Variants in ANKRD30BL observed in about 807,000 individuals in gnomAD.
ANKRD30BL encodes putative ankyrin repeat domain-containing protein 30B-like.
Under a neutral mutation model 18.4 loss-of-function variants are expected in ANKRD30BL, and 20 were observed. The ratio of observed to expected loss-of-function variants is 1.09; its 90% CI spans 0.77 to 1.58. The LOEUF (loss-of-function observed/expected upper bound fraction) is 1.58. ANKRD30BL is among the 40% of genes most tolerant of loss of function. ANKRD30BL has a pLI of 0.00. For synonymous variants in ANKRD30BL, 72 were observed against 100.9 expected, an observed-to-expected ratio of 0.71 and a Z score of 1.72; for missense variants, 224 against 268.6, an observed-to-expected ratio of 0.83 and a Z score of 1.16.
At chr2:132,229,169 A>G (rs546151798) in intron 1 of ANKRD30BL, among the ~76,000 whole-genome samples, 1 of 151,260 alleles carries the variant, frequency 6.6e-6, no homozygotes, top group Non-Finnish European at 1.5e-5. Context: ...TGTGCATTCA[A>G]CCCCCAGATT....
At chr2:132,240,631 C>G (rs1375114605) in intron 1 of ANKRD30BL, among the ~76,000 whole-genome samples, 5 of 151,206 alleles carry the variant, frequency 3.3e-5, no homozygotes, top group Non-Finnish European at 5.9e-5. Flanking sequence ...ATAGGGATAC[C>G]TTTGAGAATT....
chr2:132,164,141 C>T (rs1688143107), upstream of ANKRD30BL, among the ~76,000 whole-genome samples: 2 of 152,136 alleles, frequency 1.3e-5, no homozygotes, highest in Admixed American at 6.5e-5. Flanking sequence ...TACATTCATT[C>T]TCTATCAATA....
At chr2:132,233,335 A>C (rs1271814451) in intron 1 of ANKRD30BL, among the ~76,000 whole-genome samples, 1 of 147,760 alleles carries the variant, frequency 6.8e-6, no homozygotes, top group Non-Finnish European at 1.5e-5. Flanking sequence ...ACACATAACA[A>C]TATTAACTTT....
chr2:132,166,272 A>G (rs1346443720), upstream of ANKRD30BL, among the ~76,000 whole-genome samples: 1 of 152,088 alleles, frequency 6.6e-6, no homozygotes, highest in African/African-American at 2.4e-5. Flanking sequence ...TGTTATGTCT[A>G]TTGGATTTGG....
At chr2:132,184,757 T>TC (rs200691493) in intron 1 of ANKRD30BL, among the ~76,000 whole-genome samples, 1 of 152,002 alleles carries the variant, frequency 6.6e-6, no homozygotes, top group Non-Finnish European at 1.5e-5. Context: ...ATTCAGGGAT[T>TC]CCCCCCTAAT....
chr2:132,214,285 G>A (rs1679434387), intron 1 of ANKRD30BL, among the ~76,000 whole-genome samples: 2 of 151,976 alleles, frequency 1.3e-5, no homozygotes, highest in Admixed American at 1.3e-4. Context: ...TCGGCAAGTG[G>A]ATATTTAGAG....
At chr2:132,165,245 A>G (rs1489228709), upstream of ANKRD30BL, among the ~76,000 whole-genome samples, 2 of 137,246 alleles carry the variant, frequency 1.5e-5, no homozygotes, top group East Asian at 2.0e-4. Context: ...ATTCCCTTAT[A>G]TGACGTATCA....
At chr2:132,157,800 T>C (rs531811043) in intron 1 of ANKRD30BL, among the ~76,000 whole-genome samples, 4 of 152,328 alleles carry the variant, frequency 2.6e-5, no homozygotes, top group African/African-American at 9.6e-5. Flanking sequence ...ATGTGCAATG[T>C]ATTTGGAAGA....
chr2:132,215,243 C>T (rs1679466325), intron 1 of ANKRD30BL, among the ~76,000 whole-genome samples: 1 of 152,274 alleles, frequency 6.6e-6, no homozygotes, highest in African/African-American at 2.4e-5. Flanking sequence ...GCATTCATCT[C>T]ACAGAGTTGA....
intron 1 of ANKRD30BL, among the ~76,000 whole-genome samples, chr2:132,232,293 G>A (rs1033993376): frequency 3.3e-5 from 5 of 152,208 alleles, no homozygotes; most frequent in Admixed American, 6.5e-5. Flanking sequence ...CTCCTCCAAA[G>A]GAACGCAGTT....
chr2:132,177,210 A>T (rs928100843), intron 1 of ANKRD30BL, among the ~76,000 whole-genome samples: 1 of 151,538 alleles, frequency 6.6e-6, no homozygotes, highest in South Asian at 2.1e-4. Flanking sequence ...GTGGAGTGCA[A>T]TGGCACTTCC....
intron 1 of ANKRD30BL, among the ~76,000 whole-genome samples, chr2:132,181,726 T>C (rs1045484591): frequency 2.0e-5 from 3 of 152,184 alleles, no homozygotes; most frequent in South Asian, 2.1e-4. Context: ...ATATTCAAGG[T>C]AAATAGTTGT....
chr2:132,226,014 C>A (rs796612742), intron 1 of ANKRD30BL, among the ~76,000 whole-genome samples: 2 of 151,894 alleles, frequency 1.3e-5, no homozygotes, highest in Non-Finnish European at 1.5e-5. Context: ...AGTATCTTCA[C>A]ATAAAAACTA....
At chr2:132,155,414 G>C (rs1687875094) in intron 3 of ANKRD30BL, 2 of 152,140 alleles carry the variant, frequency 1.3e-5, no homozygotes, top group African/African-American at 4.8e-5. Context: ...AAACTCACTT[G>C]ATTCTCTTCT....
At chr2:132,179,571 G>A (rs1688425703) in intron 1 of ANKRD30BL, among the ~76,000 whole-genome samples, 1 of 152,122 alleles carries the variant, frequency 6.6e-6, no homozygotes, top group Non-Finnish European at 1.5e-5. Flanking sequence ...TTACAGGTAT[G>A]AGCCACCATG....
intron 1 of ANKRD30BL, among the ~76,000 whole-genome samples, chr2:132,158,432 C>T (rs1317934666): frequency 5.9e-5 from 9 of 151,742 alleles, no homozygotes; most frequent in African/African-American, 1.5e-4. Flanking sequence ...TTTCCAAAAT[C>T]GTGGTTGGTA....
At chr2:132,218,579 T>C (rs1679577358) in intron 1 of ANKRD30BL, among the ~76,000 whole-genome samples, 1 of 152,282 alleles carries the variant, frequency 6.6e-6, no homozygotes, top group Non-Finnish European at 1.5e-5. Context: ...TTGCAGAATC[T>C]CCAAGTGGAC....
chr2:132,200,600 C>A (rs1192757929), intron 1 of ANKRD30BL, among the ~76,000 whole-genome samples: 5 of 152,166 alleles, frequency 3.3e-5, no homozygotes, highest in African/African-American at 9.6e-5. Flanking sequence ...ATGTGAAGTA[C>A]CTCTTCAAGG....
intron 1 of ANKRD30BL, among the ~76,000 whole-genome samples, chr2:132,257,354 T>G (rs900694384): frequency 3.3e-5 from 5 of 150,606 alleles, no homozygotes; most frequent in Non-Finnish European, 7.4e-5. Context: ...CAAGCCGGAC[T>G]GAACGCCAGG....
Sources: allele counts gnomAD v4.1 joint callset (sites outside exome capture counted in the v4.1 genomes callset), GRCh38; gene constraint gnomAD v4.1.1; transcripts MANE v1.5; gene names NCBI Gene and HGNC (gene_info 2026-07-23, HGNC 2026-07-21).